The following BRINP3 variants were observed in gnomAD, a reference collection of about 807,000 sequenced individuals.
BRINP3 encodes BMP/retinoic acid-inducible neural-specific protein 3.
Under a neutral mutation model 71.0 loss-of-function variants are expected in BRINP3, and 19 were observed. That is an observed-to-expected ratio of 0.27 (90% CI 0.19 to 0.39). BRINP3 has a LOEUF of 0.39. Ranked by LOEUF, BRINP3 falls within the 10% of genes least tolerant of loss-of-function variation. BRINP3 has a pLI of 1.00. For missense variants in BRINP3, 959 were observed against 940.8 expected, an observed-to-expected ratio of 1.02 and a Z score of -0.25; for synonymous variants, 380 against 337.7, an observed-to-expected ratio of 1.13 and a Z score of -1.37.
chr1:190,438,907 A>G (rs2102546565), intron 2 of BRINP3, among the ~76,000 whole-genome samples: 1 of 152,072 alleles, frequency 6.6e-6, no homozygotes, highest in African/African-American at 2.4e-5. Flanking sequence ...TCTCTTTCAC[A>G]GGATTCAATC....
Position 190,098,305 on chromosome 1 carries a change from T to A in BRINP3, c.2014A>T (p.Ser672Cys), listed in dbSNP as rs1651376804. ...KINNIQVFGY[S>C]MHFDPEAIRD... ...ATTGCTTCAGGGTCAAAGTGCATGC[T>A]GTAGCCAAACACTTGAATGTTATTG... The change falls in exon 8 of 8, where the codon AGC becomes TGC. Residue 672 changes from serine to cysteine, a missense_variant. Coordinates refer to ENST00000367462, the MANE Select transcript of BRINP3 (RefSeq NM_199051.3). 2 of 1,614,068 alleles carry A rather than the reference T, an allele frequency of 1.2e-6. No homozygotes were observed. Among genetic ancestry groups the A allele is most frequent in the African/African-American group, 2.7e-5 (2 of 74,922 alleles).
At chr1:190,266,258 T>C (rs1238050970) in intron 3 of BRINP3, among the ~76,000 whole-genome samples, 2 of 152,214 alleles carry the variant, frequency 1.3e-5, no homozygotes, top group East Asian at 3.8e-4. Flanking sequence ...ATAGTTTGCA[T>C]TTCCTCTCTT....
rs899817496 is a variant in BRINP3, at chr1:190,199,599, T to G, written c.961+26483A>C. Among the ~76,000 whole-genome samples, 19 of 152,008 alleles carry G rather than the reference T, an allele frequency of 1.2e-4. No individual in the cohort carries two copies. In the East Asian group the frequency reaches 3.7e-3, roughly 29 times the overall value. ...ACAAAACAAAACCAAAACCAAAACA[T>G]TTTCTTGTGTAGTCTAAGGTTATTG... is the stretch of plus-strand genomic sequence containing the variant. On this transcript the variant is annotated intron_variant, in intron 6 of 7. Coordinates refer to ENST00000367462, the MANE Select transcript of BRINP3 (RefSeq NM_199051.3).
At chr1:190,272,423 T>G (rs932845145) in intron 3 of BRINP3, among the ~76,000 whole-genome samples, 2 of 151,456 alleles carry the variant, frequency 1.3e-5, no homozygotes, top group Non-Finnish European at 3.0e-5. Flanking sequence ...GTTGCATATG[T>G]ACTTAGCATT....
rs1251853459 is a variant in BRINP3 at position 190,242,117 on chromosome 1, ATAT to A, written c.619-7643_619-7641del. On this transcript the variant is annotated intron_variant, in intron 4 of 7. Coordinates refer to ENST00000367462, the MANE Select transcript of BRINP3 (RefSeq NM_199051.3). ...TTTAGTAAAAAATGAATTTTCAAAC[ATAT>A]TATTAATTATAAGATGCATTAAAAA... Among the ~76,000 whole-genome samples the A allele has an allele frequency of 5.3e-5, 8 of 151,920 alleles. 1 individual carries two copies. The South Asian group carries it at 8.3e-4, about 16-fold the overall frequency.
intron 7 of BRINP3, among the ~76,000 whole-genome samples, chr1:190,124,916 A>G (rs1653964310): frequency 6.6e-6 from 1 of 152,088 alleles, no homozygotes; most frequent in African/African-American, 2.4e-5. Context: ...AATATATTCC[A>G]CAGAGTGTCA....
chr1:190,468,476 A>G (rs968533782), intron 1 of BRINP3, among the ~76,000 whole-genome samples: 2 of 151,302 alleles, frequency 1.3e-5, no homozygotes, highest in Non-Finnish European at 3.0e-5. Context: ...ATTGAACAAG[A>G]TATTTGTTAA....
intron 2 of BRINP3, among the ~76,000 whole-genome samples, chr1:190,409,719 T>C (rs560280867): frequency 6.6e-6 from 1 of 152,298 alleles, no homozygotes; most frequent in South Asian, 2.1e-4. Flanking sequence ...CCTGTTGCTT[T>C]CCAGAATGAT....
At chr1:190,125,035 C>T (rs1206143806) in intron 7 of BRINP3, among the ~76,000 whole-genome samples, 1 of 151,948 alleles carries the variant, frequency 6.6e-6, no homozygotes, top group Admixed American at 6.6e-5. Flanking sequence ...TTGTCCAACA[C>T]CTTCATTTGG....
rs947098559 is a variant in BRINP3, at chr1:190,121,641, A to G, written c.1185-22507T>C. 5.3e-5 allele frequency among the ~76,000 whole-genome samples: 8 copies of G among 152,206 alleles called. No individual in the cohort carries two copies. The South Asian group carries it at 1.2e-3, about 24-fold the overall frequency. On this transcript the variant is annotated intron_variant, in intron 7 of 7. Coordinates refer to ENST00000367462, the MANE Select transcript of BRINP3 (RefSeq NM_199051.3). ...TAGTTTCCATATGGAAACCTTGCAT[A>G]AGCATTAATATAAAAGTTTAGGCAG...
At chr1:190,301,210 T>TATATACACACATAA (rs766749833) in intron 2 of BRINP3, among the ~76,000 whole-genome samples, 1 of 107,828 alleles carries the variant, frequency 9.3e-6, no homozygotes, top group Non-Finnish European at 1.8e-5. Context: ...CATACATATA[T>TATATACACACATAA]ATATATATAT....
At chr1:190,210,299 A>G (rs549324339) in intron 6 of BRINP3, among the ~76,000 whole-genome samples, 1 of 152,236 alleles carries the variant, frequency 6.6e-6, no homozygotes, top group African/African-American at 2.4e-5. Context: ...ATATTGTATT[A>G]TTTATTGATA....
intron 5 of BRINP3, among the ~76,000 whole-genome samples, chr1:190,230,566 T>A (rs2102721696): frequency 6.6e-6 from 1 of 152,002 alleles, no homozygotes; most frequent in South Asian, 2.1e-4. Flanking sequence ...TATGTACAAA[T>A]GAAATATAAT....
intron 7 of BRINP3, among the ~76,000 whole-genome samples, chr1:190,139,451 C>CAAAAA (rs11315431): frequency 1.3e-4 from 11 of 87,516 alleles, no homozygotes; most frequent in Non-Finnish European, 1.6e-4. Context: ...GACTCTGTCT[C>CAAAAA]AAAAAAAAAA....
chr1:190,419,693 A>G (rs1298503123), intron 2 of BRINP3, among the ~76,000 whole-genome samples: 3 of 56,310 alleles, frequency 5.3e-5, no homozygotes, highest in Non-Finnish European at 1.4e-4. Flanking sequence ...ACATTTATAC[A>G]CACACACACA....
chr1:190,382,866 C>G (rs959627257), intron 2 of BRINP3, among the ~76,000 whole-genome samples: 1 of 152,120 alleles, frequency 6.6e-6, no homozygotes, highest in Non-Finnish European at 1.5e-5. Flanking sequence ...ATGAACCACA[C>G]CAAACCAATC....
At chr1:190,262,185 T>G (rs1661241481) in intron 4 of BRINP3, among the ~76,000 whole-genome samples, 1 of 152,168 alleles carries the variant, frequency 6.6e-6, no homozygotes. Context: ...CCACTCTTGC[T>G]TGAACACAGC....
chr1:190,219,236 G>A (rs1656667865), intron 6 of BRINP3, among the ~76,000 whole-genome samples: 1 of 151,916 alleles, frequency 6.6e-6, no homozygotes, highest in African/African-American at 2.4e-5. Flanking sequence ...AGGAAACCAT[G>A]ACCTCCTCAA....
intron 7 of BRINP3, among the ~76,000 whole-genome samples, chr1:190,144,465 T>C (rs1655716335): frequency 6.6e-6 from 1 of 152,070 alleles, no homozygotes; most frequent in Non-Finnish European, 1.5e-5. Flanking sequence ...TTTCAACCCA[T>C]TGTGCTGTAG....
Sources: allele counts gnomAD v4.1 joint callset (sites outside exome capture counted in the v4.1 genomes callset), GRCh38; gene constraint gnomAD v4.1.1; transcripts MANE v1.5; gene names NCBI Gene and HGNC (gene_info 2026-07-23, HGNC 2026-07-21).